Variants in STK3 observed in about 807,000 individuals in gnomAD.
The protein encoded by STK3 is serine/threonine kinase 3.
A neutral mutation model predicts 58.0 loss-of-function variants in STK3; 41 were observed. The ratio of observed to expected loss-of-function variants is 0.71; its 90% CI spans 0.55 to 0.92. The LOEUF is 0.92. STK3 is among the 40% of genes least tolerant of loss of function. STK3 has a pLI of 0.00. For synonymous variants in STK3, 170 were observed against 191.0 expected, an observed-to-expected ratio of 0.89 and a Z score of 0.91; for missense variants, 479 against 602.7, an observed-to-expected ratio of 0.79 and a Z score of 2.15.
chr8:98,459,656 C>T (rs1302096156), intron 10 of STK3, among the ~76,000 whole-genome samples: 1 of 152,214 alleles, frequency 6.6e-6, no homozygotes, highest in Non-Finnish European at 1.5e-5. Context: ...GCCCAGGGGC[C>T]CTGCTACTCT....
At chr8:98,346,374 G>T in the STK3 span, among the ~76,000 whole-genome samples, 1 of 151,804 alleles carries the variant, frequency 6.6e-6, no homozygotes, top group Non-Finnish European at 1.5e-5. Context: ...CAAAGGAGAG[G>T]AGGGGGAGTA....
intron 3 of STK3, among the ~76,000 whole-genome samples, chr8:98,838,636 C>T (rs1323274295): frequency 1.3e-5 from 2 of 152,082 alleles, no homozygotes; most frequent in Non-Finnish European, 2.9e-5. Context: ...AGCTCAAATT[C>T]AATTGCAAAA....
intron 8 of STK3, among the ~76,000 whole-genome samples, chr8:98,559,409 AAC>A (rs1283990340): frequency 6.6e-6 from 1 of 152,158 alleles, no homozygotes; most frequent in Admixed American, 6.5e-5. Context: ...TTCCATGGTG[AAC>A]ACAGAGGAGC....
At chr8:98,900,361 G>C (rs544809302) in intron 1 of STK3, among the ~76,000 whole-genome samples, 2 of 152,072 alleles carry the variant, frequency 1.3e-5, no homozygotes, top group South Asian at 2.1e-4. Flanking sequence ...GATTACAGGC[G>C]TGAGCCACCA....
At chr8:98,835,213 A>G (rs534251273) in intron 3 of STK3, among the ~76,000 whole-genome samples, 7 of 152,332 alleles carry the variant, frequency 4.6e-5, no homozygotes, top group Admixed American at 4.6e-4. Flanking sequence ...TTCTCATAAG[A>G]GAAAATGAGT....
chr8:98,494,735 C>T (rs1165282203), intron 10 of STK3, among the ~76,000 whole-genome samples: 2 of 147,778 alleles, frequency 1.4e-5, no homozygotes, highest in Non-Finnish European at 3.0e-5. Context: ...TTTTTTGCTT[C>T]AGGAAACCAA....
intron 6 of STK3, among the ~76,000 whole-genome samples, chr8:98,609,357 A>G (rs1485302461): frequency 2.0e-5 from 3 of 152,192 alleles, no homozygotes; most frequent in African/African-American, 7.2e-5. Flanking sequence ...AAAGAAGTGT[A>G]TGGTTTGGAT....
At chr8:98,773,287 T>C (rs915619807) in intron 2 of STK3, among the ~76,000 whole-genome samples, 1 of 152,244 alleles carries the variant, frequency 6.6e-6, no homozygotes. Context: ...TTTTCTGTCA[T>C]AAATTTAGCT....
intron 1 of STK3, among the ~76,000 whole-genome samples, chr8:98,912,698 G>A (rs906159417): frequency 9.2e-5 from 14 of 152,166 alleles, no homozygotes; most frequent in Non-Finnish European, 1.9e-4. Context: ...GGTAGCGGGG[G>A]TAAAGAGAGA....
At chr8:98,663,283 C>T (rs1360965857) in intron 6 of STK3, among the ~76,000 whole-genome samples, 2 of 152,204 alleles carry the variant, frequency 1.3e-5, no homozygotes, top group African/African-American at 2.4e-5. Context: ...CTCATCATCA[C>T]TGGCCATCAG....
chr8:98,573,283 A>G (rs981122019), intron 8 of STK3, among the ~76,000 whole-genome samples: 2 of 152,182 alleles, frequency 1.3e-5, no homozygotes, highest in African/African-American at 4.8e-5. Flanking sequence ...GTAATTTATA[A>G]AGAAAAGAGG....
At chr8:98,505,223 C>T (rs1281183040) in intron 10 of STK3, among the ~76,000 whole-genome samples, 1 of 152,158 alleles carries the variant, frequency 6.6e-6, no homozygotes, top group African/African-American at 2.4e-5. Context: ...GTTCTCCTGC[C>T]ATGGTTTTCA....
intron 6 of STK3, among the ~76,000 whole-genome samples, chr8:98,652,023 A>G (rs928246102): frequency 1.3e-5 from 2 of 152,136 alleles, no homozygotes; most frequent in African/African-American, 4.8e-5. Flanking sequence ...TCCAAGACAC[A>G]TAATTGTCAG....
intron 10 of STK3, among the ~76,000 whole-genome samples, chr8:98,512,277 A>C (rs1484395651): frequency 6.6e-6 from 1 of 152,196 alleles, no homozygotes; most frequent in Non-Finnish European, 1.5e-5. Context: ...TTTAACTTTC[A>C]GAACAATAAA....
At chr8:98,615,131 C>A (rs1357998964) in intron 6 of STK3, among the ~76,000 whole-genome samples, 1 of 151,766 alleles carries the variant, frequency 6.6e-6, no homozygotes, top group African/African-American at 2.4e-5. Flanking sequence ...GGCAGACTAC[C>A]TCCTCAAGTG....
At chr8:98,536,394 A>C (rs1203217658) in intron 9 of STK3, among the ~76,000 whole-genome samples, 1 of 152,130 alleles carries the variant, frequency 6.6e-6, no homozygotes, top group Non-Finnish European at 1.5e-5. Flanking sequence ...TTGAAGCTGC[A>C]ATAAGCTATG....
In STK3 at chr8:98,905,012, T is replaced by G. The variant is rs1422289014; in HGVS notation, c.-78-21178A>C. On this transcript the variant is annotated intron_variant, in intron 1 of 1. Coordinates refer to the STK3 transcript ENST00000519420. ...CCCAGTATCGCTTATAGTAGTGGAG[T>G]GCTGCATATGCATCGTTGTAATACC... 4 of 789,204 alleles carry G rather than the reference T, an allele frequency of 5.1e-6. No homozygotes were observed. The African/African-American group carries it at 6.8e-5, about 13-fold the overall frequency. 48.9% of individuals were successfully genotyped at this position (789,204 alleles called of 1,614,324 possible).
At chr8:98,354,621 C>A in the STK3 span, among the ~76,000 whole-genome samples, 1 of 152,166 alleles carries the variant, frequency 6.6e-6, no homozygotes, top group African/African-American at 2.4e-5. Context: ...TGACTATTCT[C>A]CTCATTGTTA....
chr8:98,662,606 G>A (rs1822043717), intron 6 of STK3, among the ~76,000 whole-genome samples: 1 of 151,588 alleles, frequency 6.6e-6, no homozygotes, highest in African/African-American at 2.4e-5. Flanking sequence ...AATGTGTTAT[G>A]AAGGCTTTGA....
Sources: allele counts gnomAD v4.1 joint callset (sites outside exome capture counted in the v4.1 genomes callset), GRCh38; gene constraint gnomAD v4.1.1; transcripts MANE v1.5; gene names NCBI Gene and HGNC (gene_info 2026-07-23, HGNC 2026-07-21).